Variants in CNTLN observed in about 807,000 individuals in gnomAD.
CNTLN encodes centlein, centrosomal protein.
CNTLN carries 212 observed loss-of-function variants against 180.0 expected under a neutral mutation model. The observed-to-expected ratio is 1.18, with a 90% confidence interval of 1.05 to 1.32. The LOEUF is 1.32. Among genes scored for constraint, CNTLN ranks in the 40% most tolerant of loss-of-function variants. CNTLN has a pLI of 0.00. For synonymous variants in CNTLN, 722 were observed against 563.1 expected, an observed-to-expected ratio of 1.28 and a Z score of -3.99; for missense variants, 2,095 against 1,610.9, an observed-to-expected ratio of 1.30 and a Z score of -5.14.
intron 18 of CNTLN, among the ~76,000 whole-genome samples, chr9:17,426,610 C>T (rs1411695722): frequency 1.3e-5 from 2 of 151,590 alleles, no homozygotes; most frequent in African/African-American, 2.4e-5. Flanking sequence ...TTTTTATGAA[C>T]TCTTGTTCTC....
At chr9:17,379,863 C>G (rs1046681772) in intron 13 of CNTLN, among the ~76,000 whole-genome samples, 1 of 152,166 alleles carries the variant, frequency 6.6e-6, no homozygotes, top group African/African-American at 2.4e-5. Context: ...TCAGTCTCCT[C>G]TAGTCTTCCC....
In CNTLN at chr9:17,338,337, G is replaced by GTTT. The variant is rs71331486; in HGVS notation, c.1645-2474_1645-2472dup. Among the ~76,000 whole-genome samples the GTTT allele has an allele frequency of 3.5e-3, 354 of 100,430 alleles. 19 individuals are homozygous for GTTT. Among genetic ancestry groups the GTTT allele is most frequent in the South Asian group, 0.012 (38 of 3,050 alleles). The allele number at this position is 100,430 out of a possible 152,430, so 65.9% of individuals were successfully genotyped here. On this transcript the variant is annotated intron_variant, in intron 10 of 25. Transcript: ENST00000380647. ...CTGCTATCACTCCTGGCTAATTTTTGTTTTTTTTTTTTTTTTTTAGAGATG... is the reference window on the plus strand; with the variant it reads ...CTGCTATCACTCCTGGCTAATTTTTGTTTTTTTTTTTTTTTTTTTTTAGAGATG...
intron 12 of CNTLN, among the ~76,000 whole-genome samples, chr9:17,352,044 G>T (rs539597566): frequency 1.3e-5 from 2 of 152,242 alleles, no homozygotes; most frequent in East Asian, 3.9e-4. Flanking sequence ...GCTGGAGTCA[G>T]TAGTAAAGGG....
intron 13 of CNTLN, among the ~76,000 whole-genome samples, chr9:17,374,405 A>T (rs1437623999): frequency 6.6e-6 from 1 of 152,216 alleles, no homozygotes; most frequent in Non-Finnish European, 1.5e-5. Context: ...AATCAAAACT[A>T]AAATGAAATA....
chr9:17,467,072 G>A (rs1831796026), intron 23 of CNTLN, among the ~76,000 whole-genome samples, 181 bp downstream of exon 23: 1 of 151,426 alleles, frequency 6.6e-6, no homozygotes, highest in Non-Finnish European at 1.5e-5. Flanking sequence ...TTTATAGTTT[G>A]AATTTAAAAT....
chr9:17,292,196 A>G (rs748236702), intron 6 of CNTLN, among the ~76,000 whole-genome samples: 8 of 152,054 alleles, frequency 5.3e-5, no homozygotes, highest in Non-Finnish European at 1.0e-4. Flanking sequence ...TTCCCTTTGT[A>G]GGTGATCTCC....
intron 12 of CNTLN, among the ~76,000 whole-genome samples, chr9:17,356,236 A>G (rs552850080): frequency 1.3e-5 from 2 of 152,186 alleles, no homozygotes; most frequent in South Asian, 4.1e-4. Flanking sequence ...CTTCAAGGCT[A>G]TGTGGCAAAA....
chr9:17,293,467 C>G (rs1196913918), intron 6 of CNTLN, among the ~76,000 whole-genome samples: 5 of 152,188 alleles, frequency 3.3e-5, no homozygotes, highest in Non-Finnish European at 1.5e-5. Flanking sequence ...AAACCCCTGG[C>G]TGCAGTTGCT....
intron 23 of CNTLN, 108 bp downstream of exon 23, chr9:17,466,999 A>T: frequency 1.5e-6 from 1 of 651,168 alleles, no homozygotes; most frequent in Non-Finnish European, 2.6e-6. Context: ...TTCCTAACAC[A>T]GAAAGCATCT....
chr9:17,231,832 T>C (rs1824833693), intron 3 of CNTLN, among the ~76,000 whole-genome samples: 1 of 151,956 alleles, frequency 6.6e-6, no homozygotes, highest in African/African-American at 2.4e-5. Context: ...CACCCATTTT[T>C]ATGCCTGCTT....
intron 6 of CNTLN, among the ~76,000 whole-genome samples, chr9:17,281,918 C>T (rs1448969980): frequency 6.6e-6 from 1 of 152,102 alleles, no homozygotes; most frequent in Non-Finnish European, 1.5e-5. Flanking sequence ...AGTGTCAAAG[C>T]GTTCCTGTTT....
At chr9:17,336,214 A>G (rs984184484) in intron 10 of CNTLN, among the ~76,000 whole-genome samples, 1 of 152,178 alleles carries the variant, frequency 6.6e-6, no homozygotes, top group Non-Finnish European at 1.5e-5. Flanking sequence ...CAAAGTTTGG[A>G]TCATAATCCA....
chr9:17,224,861 T>A (rs1457032391), intron 2 of CNTLN, among the ~76,000 whole-genome samples: 1 of 151,988 alleles, frequency 6.6e-6, no homozygotes, highest in Non-Finnish European at 1.5e-5. Context: ...CTTGAACTAG[T>A]ATGTCAGTGT....
intron 8 of CNTLN, among the ~76,000 whole-genome samples, chr9:17,330,308 T>C (rs899894828): frequency 3.3e-5 from 5 of 152,070 alleles, no homozygotes; most frequent in Admixed American, 3.3e-4. Flanking sequence ...GCAATACATA[T>C]GTGTATAATC....
At chr9:17,446,991 T>C (rs774354592) in intron 18 of CNTLN, among the ~76,000 whole-genome samples, 4 of 152,206 alleles carry the variant, frequency 2.6e-5, no homozygotes, top group African/African-American at 4.8e-5. Flanking sequence ...AGTTATGGCC[T>C]CTTTTCATGT....
intron 12 of CNTLN, among the ~76,000 whole-genome samples, chr9:17,346,196 G>C (rs1203895671): frequency 6.6e-6 from 1 of 152,040 alleles, no homozygotes; most frequent in Non-Finnish European, 1.5e-5. Flanking sequence ...AGAAGTGAAG[G>C]GGGAAGAGTC....
At chr9:17,522,568 A>G in the CNTLN span, among the ~76,000 whole-genome samples, 25 of 152,170 alleles carry the variant, frequency 1.6e-4, no homozygotes, top group Admixed American at 1.6e-3. Flanking sequence ...TACGACATTT[A>G]GTTTTTGAAA....
At chr9:17,371,716 A>G (rs1824334711) in intron 13 of CNTLN, among the ~76,000 whole-genome samples, 1 of 152,138 alleles carries the variant, frequency 6.6e-6, no homozygotes, top group Non-Finnish European at 1.5e-5. Context: ...GTGTTAAGCC[A>G]TAAAACAACT....
chr9:17,144,697 T>C (rs1198975799), intron 2 of CNTLN, among the ~76,000 whole-genome samples: 2 of 151,734 alleles, frequency 1.3e-5, no homozygotes, highest in East Asian at 3.9e-4. Flanking sequence ...ATATTAGACG[T>C]AGGTGTTCAA....
Sources: allele counts gnomAD v4.1 joint callset (sites outside exome capture counted in the v4.1 genomes callset), GRCh38; gene constraint gnomAD v4.1.1; transcripts MANE v1.5; gene names NCBI Gene and HGNC (gene_info 2026-07-23, HGNC 2026-07-21).